Variants in APPL2 observed in about 807,000 individuals in gnomAD.
APPL2 encodes the protein DCC-interacting protein 13-beta.
A neutral mutation model predicts 92.7 loss-of-function variants in APPL2; 84 were observed. The ratio of observed to expected loss-of-function variants is 0.91; its 90% CI spans 0.76 to 1.09. The LOEUF (loss-of-function observed/expected upper bound fraction) is 1.09, where lower values mean the gene tolerates loss of function less well. APPL2 is among the 50% of genes least tolerant of loss of function. The pLI is 0.00. For synonymous variants in APPL2, 291 were observed against 291.0 expected, an observed-to-expected ratio of 1.00 and a Z score of 0.00; for missense variants, 736 against 824.5, an observed-to-expected ratio of 0.89 and a Z score of 1.31.
chr12:105,200,864 G>GTATGTATGTATCTATCTATC (rs757298388), intron 9 of APPL2, among the ~76,000 whole-genome samples: 5 of 134,972 alleles, frequency 3.7e-5, no homozygotes, highest in African/African-American at 5.6e-5. Flanking sequence ...ATGTATGTAT[G>GTATGTATGTATCTATCTATC]TATCTATCTA....
intron 1 of APPL2, among the ~76,000 whole-genome samples, chr12:105,235,115 A>G (rs1891152237): frequency 6.6e-6 from 1 of 152,224 alleles, no homozygotes; most frequent in Admixed American, 6.5e-5. Context: ...GACACTAGGA[A>G]ATAAAGGCAC....
Position 105,199,510 on chromosome 12 carries a change from G to C in APPL2, c.726C>G (p.Ala242=). 1 of 1,613,772 alleles carries C rather than the reference G, an allele frequency of 6.2e-7. No individual in the cohort carries two copies. Among genetic ancestry groups the C allele is most frequent in the Non-Finnish European group, 8.5e-7 (1 of 1,179,974 alleles). ...GGGACACCCGCATCTTTTCCGCCTC[G>C]GCTTCCAGTTCTACCTGAATGCTTA... ...MVQSIQVELE[A]EAEKMRVSQQ... Residue 242 remains alanine (A), a synonymous_variant, in exon 10 of 21, where the codon GCC becomes GCG. Coordinates refer to ENST00000258530, the MANE Select transcript of APPL2 (RefSeq NM_018171.5).
chr12:105,177,600 C>G, intron 17 of APPL2: 1 of 228,780 alleles, frequency 4.4e-6, no homozygotes, highest in Non-Finnish European at 8.5e-6. Flanking sequence ...GCCTCCCTCT[C>G]AACAAACATC....
intron 17 of APPL2, among the ~76,000 whole-genome samples, chr12:105,181,018 G>A (rs369141681): frequency 3.3e-5 from 5 of 152,220 alleles, no homozygotes; most frequent in Admixed American, 1.3e-4. Flanking sequence ...AGTGGTGAGA[G>A]AGGGCATCCT....
At chr12:105,174,584 G>A (rs559364725) in intron 20 of APPL2, 136 bp from the exon 21 acceptor site, 2 of 832,850 alleles carry the variant, frequency 2.4e-6, no homozygotes, top group South Asian at 5.8e-5. Context: ...CTTCCGCTGA[G>A]TCTCCTTGCT....
chr12:105,188,214 G>C, intron 17 of APPL2, 59 bp downstream of exon 17: 1 of 1,571,178 alleles, frequency 6.4e-7, no homozygotes, highest in South Asian at 1.1e-5. Context: ...GGGTGCATTA[G>C]CCTTAAAAGG....
intron 4 of APPL2, among the ~76,000 whole-genome samples, chr12:105,212,946 A>C (rs1307469683): frequency 6.6e-6 from 1 of 152,208 alleles, no homozygotes; most frequent in East Asian, 1.9e-4. Context: ...GCTGTATTTG[A>C]GGGTAACACA....
rs576034026 is a variant in APPL2, at chr12:105,224,938, C to T, written c.153+4187G>A. On this transcript the variant is annotated intron_variant, in intron 2 of 20. Coordinates refer to ENST00000258530, the MANE Select transcript of APPL2 (RefSeq NM_018171.5). Reference sequence around the variant, plus strand: ...TCCTATTCCCTCCCACTGTCTTTACCCCAATTTGAGAAAATACTACTTCCA... The same window carrying T: ...TCCTATTCCCTCCCACTGTCTTTACTCCAATTTGAGAAAATACTACTTCCA... Among the ~76,000 whole-genome samples, 9 of 152,172 alleles carry T rather than the reference C, an allele frequency of 5.9e-5. 1 individual carries two copies. In the East Asian group the frequency reaches 1.5e-3, roughly 26 times the overall value.
At chr12:105,209,517 C>T (rs893425075) in intron 5 of APPL2, among the ~76,000 whole-genome samples, 2 of 152,132 alleles carry the variant, frequency 1.3e-5, no homozygotes, top group Admixed American at 6.5e-5. Context: ...CTAGTTCTGC[C>T]TCCCATAAGC....
intron 5 of APPL2, among the ~76,000 whole-genome samples, chr12:105,210,490 T>C (rs1350028501): frequency 6.6e-6 from 1 of 152,150 alleles, no homozygotes; most frequent in African/African-American, 2.4e-5. Context: ...GAAGAGACAA[T>C]AGGACTAGAA....
chr12:105,185,100 C>T (rs1331280025), intron 17 of APPL2, among the ~76,000 whole-genome samples: 7 of 152,144 alleles, frequency 4.6e-5, no homozygotes, highest in African/African-American at 1.4e-4. Flanking sequence ...GGCGGATGCC[C>T]CTCCCCCCCA....
rs1313723816 is a variant in APPL2, at chr12:105,174,367, C to G, written c.1942G>C (p.Asp648His). 6.2e-7 allele frequency: 1 copy of G among 1,613,846 alleles called. No homozygotes were observed. Among genetic ancestry groups the G allele is most frequent in the Non-Finnish European group, 8.5e-7 (1 of 1,179,934 alleles). ...GKYVLLNDQP[D>H]DDDGNPNEHR... ...TCGTTTGGATTTCCATCATCGTCAT[C>G]TGGTTGATCGTTTAACAGTACATAT... The change falls in exon 21 of 21, where the codon GAT becomes CAT. Residue 648 changes from aspartate (D) to histidine (H), a missense_variant. Coordinates refer to ENST00000258530, the MANE Select transcript of APPL2 (RefSeq NM_018171.5).
chr12:105,200,965 G>A (rs780689391), intron 9 of APPL2, among the ~76,000 whole-genome samples: 15 of 152,130 alleles, frequency 9.9e-5, no homozygotes, highest in Admixed American at 2.6e-4. Flanking sequence ...CTGGAGTGCA[G>A]TGGCATGATC....
chr12:105,234,242 A>G (rs1465742246), intron 1 of APPL2, among the ~76,000 whole-genome samples: 1 of 152,244 alleles, frequency 6.6e-6, no homozygotes, highest in Non-Finnish European at 1.5e-5. Context: ...CCATGTAGAT[A>G]TGACAATGTT....
chr12:105,192,490 G>A (rs1299470380), intron 14 of APPL2, among the ~76,000 whole-genome samples: 1 of 115,394 alleles, frequency 8.7e-6, no homozygotes, highest in Admixed American at 1.2e-4. Flanking sequence ...CCTGTCCCAT[G>A]ATCTCCACTG....
chr12:105,201,572 C>T (rs1888205659), intron 9 of APPL2, among the ~76,000 whole-genome samples: 1 of 152,008 alleles, frequency 6.6e-6, no homozygotes, highest in Non-Finnish European at 1.5e-5. Flanking sequence ...AGCTGCCCTG[C>T]CTTCCCCTCC....
In APPL2 at chr12:105,173,363, T is replaced by C. The variant is rs1885167422; in HGVS notation, c.*951A>G. On this transcript the variant is annotated 3_prime_UTR_variant, in exon 21 of 21. Coordinates refer to ENST00000258530, the MANE Select transcript of APPL2 (RefSeq NM_018171.5). ...AAAGATAATAATAGTCTGTTGAACT[T>C]AGTTACAGTTAAACACACTGTACCG... The C allele has an allele frequency of 6.6e-6, 1 of 152,556 alleles. No individual in the cohort carries two copies. Among genetic ancestry groups the C allele is most frequent in the Non-Finnish European group, 1.5e-5 (1 of 68,026 alleles). The allele number at this position is 152,556 out of a possible 1,614,324, so 9.5% of individuals were successfully genotyped here.
rs774574985 is a variant in APPL2, at chr12:105,174,449, C to T, written c.1861-1G>A. 3.1e-6 allele frequency: 5 copies of T among 1,611,586 alleles called. No individual in the cohort carries two copies. The East Asian group carries it at 1.1e-4, about 36-fold the overall frequency. On this transcript the variant is annotated splice_acceptor_variant, in intron 20 of 20. Coordinates refer to ENST00000258530, the MANE Select transcript of APPL2 (RefSeq NM_018171.5). LOFTEE classifies it high-confidence loss of function. ...TTAATTGAGCCAGTGCTTCTGGATCCTGAAGTTAGGAGAGTTTAAAAGGGA... is the reference window on the plus strand; with the variant it reads ...TTAATTGAGCCAGTGCTTCTGGATCTTGAAGTTAGGAGAGTTTAAAAGGGA...
intron 2 of APPL2, among the ~76,000 whole-genome samples, chr12:105,221,742 C>A (rs990852482): frequency 1.3e-5 from 2 of 152,348 alleles, no homozygotes; most frequent in African/African-American, 4.8e-5. Context: ...TGAAAGGACA[C>A]CCTGAGGAGG....
Sources: allele counts gnomAD v4.1 joint callset (sites outside exome capture counted in the v4.1 genomes callset), GRCh38; gene constraint gnomAD v4.1.1; transcripts MANE v1.5; gene names NCBI Gene and HGNC (gene_info 2026-07-23, HGNC 2026-07-21).